The following NOX4 variants were observed in gnomAD, a reference collection of about 807,000 sequenced individuals.
NOX4 encodes the protein kidney oxidase-1.
Under a neutral mutation model 87.6 loss-of-function variants are expected in NOX4, and 69 were observed. The ratio of observed to expected loss-of-function variants is 0.79; its 90% CI spans 0.65 to 0.96. The LOEUF (loss-of-function observed/expected upper bound fraction) is 0.96. NOX4 is among the 40% of genes least tolerant of loss of function. The pLI, the probability that NOX4 is intolerant of heterozygous loss-of-function variation, is 0.00. For missense variants in NOX4, 680 were observed against 681.5 expected, an observed-to-expected ratio of 1.00 and a Z score of 0.02; for synonymous variants, 275 against 238.2, an observed-to-expected ratio of 1.15 and a Z score of -1.42.
intron 5 of NOX4, among the ~76,000 whole-genome samples, chr11:89,441,138 A>C (rs1224564799): frequency 1.3e-5 from 2 of 152,182 alleles, no homozygotes; most frequent in Non-Finnish European, 2.9e-5. Flanking sequence ...AAACCAATAA[A>C]ATATGTAGGG....
upstream of NOX4, among the ~76,000 whole-genome samples, chr11:89,503,127 A>T (rs1947039497): frequency 6.6e-6 from 1 of 151,992 alleles, no homozygotes; most frequent in Admixed American, 6.6e-5. Context: ...GTGTTCGATA[A>T]ATGTGGACAG....
chr11:89,390,729 A>G (rs1941063870), intron 11 of NOX4, among the ~76,000 whole-genome samples: 2 of 152,124 alleles, frequency 1.3e-5, no homozygotes, highest in African/African-American at 4.8e-5. Context: ...GTGAAAAATG[A>G]CTTCATCATA....
intron 2 of NOX4, among the ~76,000 whole-genome samples, chr11:89,476,363 T>G (rs932291448): frequency 6.6e-6 from 1 of 152,168 alleles, no homozygotes; most frequent in South Asian, 2.1e-4. Context: ...GAAAGATATA[T>G]AGAAGTTAAA....
chr11:89,578,134 T>C, the NOX4 span, among the ~76,000 whole-genome samples: 10 of 151,674 alleles, frequency 6.6e-5, no homozygotes, highest in Non-Finnish European at 1.3e-4. Context: ...AATTTTTACA[T>C]GTGCATCATT....
chr11:89,446,298 A>T (rs1368605286), intron 4 of NOX4, among the ~76,000 whole-genome samples: 2 of 152,082 alleles, frequency 1.3e-5, no homozygotes, highest in African/African-American at 4.8e-5. Context: ...ATTGGAAGTG[A>T]GTTTGGTGGT....
the NOX4 span, chr11:89,533,782 G>A: frequency 6.6e-6 from 1 of 152,150 alleles, no homozygotes; most frequent in Non-Finnish European, 1.5e-5. Context: ...TCTGCCTATT[G>A]TTTTCTGTAA....
At chr11:89,532,767 T>C in the NOX4 span, among the ~76,000 whole-genome samples, 3 of 152,168 alleles carry the variant, frequency 2.0e-5, no homozygotes, top group African/African-American at 7.2e-5. Context: ...TCCCCACATG[T>C]TGACGGATGG....
chr11:89,351,196 C>T (rs1336758384), intron 13 of NOX4, among the ~76,000 whole-genome samples: 2 of 152,156 alleles, frequency 1.3e-5, no homozygotes, highest in Non-Finnish European at 2.9e-5. Flanking sequence ...CCAGCCACAA[C>T]ACAACATTCT....
chr11:89,357,216 GT>G (rs35531987), intron 12 of NOX4, among the ~76,000 whole-genome samples: 3 of 150,710 alleles, frequency 2.0e-5, no homozygotes, highest in Admixed American at 6.6e-5. Context: ...GGCTTCTACT[GT>G]TTTTTTTTCT....
chr11:89,380,413 T>C (rs1396186659), intron 11 of NOX4, among the ~76,000 whole-genome samples: 2 of 152,182 alleles, frequency 1.3e-5, no homozygotes, highest in East Asian at 1.9e-4. Context: ...TTTTTAGTAG[T>C]GTGCTTAAAT....
intron 11 of NOX4, among the ~76,000 whole-genome samples, chr11:89,377,004 G>A (rs975969793): frequency 6.6e-6 from 1 of 152,226 alleles, no homozygotes; most frequent in African/African-American, 2.4e-5. Flanking sequence ...GTTGCAGTGA[G>A]CTGAGATCGC....
At chr11:89,434,230 C>G (rs903772289) in intron 6 of NOX4, among the ~76,000 whole-genome samples, 2 of 151,982 alleles carry the variant, frequency 1.3e-5, no homozygotes, top group African/African-American at 2.4e-5. Flanking sequence ...TAACAGCATT[C>G]GAAATCTCAG....
chr11:89,328,820 T>C (rs116201849), intron 17 of NOX4, among the ~76,000 whole-genome samples: 11,879 of 151,878 alleles, frequency 0.078, 643 homozygotes, highest in East Asian at 0.14. Flanking sequence ...GGTGTACTTA[T>C]AAGAAGTAAT....
chr11:89,391,457 C>A (rs1941113890), intron 11 of NOX4, among the ~76,000 whole-genome samples: 1 of 152,002 alleles, frequency 6.6e-6, no homozygotes, highest in Non-Finnish European at 1.5e-5. Flanking sequence ...AATGAGTGAA[C>A]AAAATTTAAT....
At chr11:89,438,033 G>T (rs902681257) in intron 6 of NOX4, among the ~76,000 whole-genome samples, 2 of 151,462 alleles carry the variant, frequency 1.3e-5, no homozygotes, top group East Asian at 3.9e-4. Context: ...AAAACACTTT[G>T]CCAAGTCTTT....
chr11:89,514,996 G>C, the NOX4 span, among the ~76,000 whole-genome samples: 1 of 151,894 alleles, frequency 6.6e-6, no homozygotes, highest in African/African-American at 2.4e-5. Context: ...CATGACATCT[G>C]TTCATCCATT....
chr11:89,561,015 T>TATATTATATATATATATATATACAC, the NOX4 span, among the ~76,000 whole-genome samples: 1 of 80,506 alleles, frequency 1.2e-5, no homozygotes, highest in African/African-American at 6.0e-5. Context: ...TATATATATA[T>TATATTATATATATATATATATACAC]ATATACATAC....
At chr11:89,387,668 G>T (rs569152978) in intron 11 of NOX4, among the ~76,000 whole-genome samples, 10 of 152,098 alleles carry the variant, frequency 6.6e-5, no homozygotes, top group Admixed American at 2.0e-4. Context: ...CCATAATTGA[G>T]AATCCATGAA....
chr11:89,406,771 CA>C (rs1462494338), intron 8 of NOX4, among the ~76,000 whole-genome samples: 1 of 151,994 alleles, frequency 6.6e-6, no homozygotes, highest in African/African-American at 2.4e-5. Context: ...AGCCACAGCA[CA>C]GATATAATGG....
Sources: allele counts gnomAD v4.1 joint callset (sites outside exome capture counted in the v4.1 genomes callset), GRCh38; gene constraint gnomAD v4.1.1; transcripts MANE v1.5; gene names NCBI Gene and HGNC (gene_info 2026-07-23, HGNC 2026-07-21).